PCDH15: variants seen among roughly 807,000 people sequenced by gnomAD.
PCDH15 encodes the protein protocadherin related 15.
A neutral mutation model predicts 178.5 loss-of-function variants in PCDH15; 129 were observed. The ratio of observed to expected loss-of-function variants is 0.72; its 90% confidence interval spans 0.63 to 0.84. The LOEUF (loss-of-function observed/expected upper bound fraction) is 0.84, where lower values mean the gene tolerates loss of function less well. Ranked by LOEUF, PCDH15 falls within the 40% of genes least tolerant of loss-of-function variation. PCDH15 has a pLI of 0.00. For missense variants in PCDH15, 2,230 were observed against 2,099.9 expected, an observed-to-expected ratio of 1.06 and a Z score of -1.21; for synonymous variants, 800 against 732.0, an observed-to-expected ratio of 1.09 and a Z score of -1.50.
chr10:54,630,073 G>A (rs2093660720), intron 2 of PCDH15, among the ~76,000 whole-genome samples: 1 of 152,072 alleles, frequency 6.6e-6, no homozygotes, highest in Non-Finnish European at 1.5e-5. Context: ...AAATACTGCT[G>A]AATGAAATCA....
At chr10:55,095,837 AC>A (rs1273449187) in intron 2 of PCDH15, among the ~76,000 whole-genome samples, 2 of 152,094 alleles carry the variant, frequency 1.3e-5, no homozygotes, top group African/African-American at 2.4e-5. Context: ...AATTGTAAAT[AC>A]CTTGAAGGAT....
At chr10:54,223,007 G>A (rs913026529) in intron 9 of PCDH15, among the ~76,000 whole-genome samples, 5 of 151,982 alleles carry the variant, frequency 3.3e-5, no homozygotes, top group Non-Finnish European at 7.4e-5. Context: ...ATTTGCATTT[G>A]TTACATTTAA....
At chr10:54,857,008 G>C (rs1470542415) in intron 3 of PCDH15, among the ~76,000 whole-genome samples, 1 of 152,024 alleles carries the variant, frequency 6.6e-6, no homozygotes, top group East Asian at 1.9e-4. Flanking sequence ...TCTGAAAAAT[G>C]CTGACACAAC....
At chr10:55,598,551 T>TAGATAGATAG (rs1329668069) in intron 2 of PCDH15, among the ~76,000 whole-genome samples, 6 of 64,912 alleles carry the variant, frequency 9.2e-5, no homozygotes, top group African/African-American at 4.5e-4. Context: ...TATATATATA[T>TAGATAGATAG]ATATATATAT....
At chr10:54,738,491 C>CTT (rs1566087611) in intron 1 of PCDH15, among the ~76,000 whole-genome samples, 3 of 151,840 alleles carry the variant, frequency 2.0e-5, no homozygotes, top group Admixed American at 1.3e-4. Context: ...TAAAAAACAA[C>CTT]TAATAAAAGT....
At chr10:55,626,548 T>C (rs1332159036) in intron 2 of PCDH15, among the ~76,000 whole-genome samples, 2 of 152,196 alleles carry the variant, frequency 1.3e-5, no homozygotes, top group African/African-American at 2.4e-5. Flanking sequence ...TAAACCACTC[T>C]CTTAAGGTTA....
rs148747062 is a variant in PCDH15, at chr10:55,627,174, A to C, written c.-156+451T>G. ...CGTTTACATATAATGGAACAAGCCA[A>C]GTCTCCATTCACTACATGTGGACAT... On this transcript the variant is annotated intron_variant, in intron 2 of 5. Transcript: ENST00000613346. 5.3e-4 allele frequency among the ~76,000 whole-genome samples: 80 copies of C among 151,750 alleles called. 1 individual carries two copies. In the East Asian group the frequency reaches 0.014, roughly 27 times the overall value.
intron 2 of PCDH15, among the ~76,000 whole-genome samples, chr10:55,149,219 C>T (rs12264340): frequency 0.37 from 55,285 of 149,202 alleles, 10,501 homozygotes; most frequent in Admixed American, 0.47. Flanking sequence ...AGCAGTCTTT[C>T]AATAAATGCT....
rs183402190 is a variant in PCDH15 at position 55,542,612 on chromosome 10, T to C, written c.-156+85013A>G. 1.4e-4 allele frequency among the ~76,000 whole-genome samples: 20 copies of C among 147,736 alleles called. 1 individual carries two copies. The highest frequency in any genetic ancestry group is 1.4e-3 in the Admixed American group (20 of 14,788). On this transcript the variant is annotated intron_variant, in intron 2 of 5. Coordinates refer to the PCDH15 transcript ENST00000613346. ...CTATATAGGTACATACAGACATATG[T>C]ATGTGTCTATATAGGTACATACAGA...
At chr10:55,223,093 C>G (rs572100026) in intron 1 of PCDH15, among the ~76,000 whole-genome samples, 1 of 152,150 alleles carries the variant, frequency 6.6e-6, no homozygotes, top group South Asian at 2.1e-4. Flanking sequence ...ATGGCCCCAT[C>G]AGGCTTGTGC....
rs971706124 is a variant in PCDH15, at chr10:54,305,100, G to A, written c.876+12171C>T. ...ACAGCTATTTTTATAACTTTTTAAAGTGTTATGTACATAATTTCTTTTCTG... is the reference window on the plus strand; with the variant it reads ...ACAGCTATTTTTATAACTTTTTAAAATGTTATGTACATAATTTCTTTTCTG... On this transcript the variant is annotated intron_variant, in intron 8 of 37. Transcript: ENST00000644397. Among the ~76,000 whole-genome samples the A allele has an allele frequency of 6.6e-5, 10 of 152,044 alleles. No homozygotes were observed. In the East Asian group the frequency reaches 1.2e-3, roughly 18 times the overall value.
intron 3 of PCDH15, among the ~76,000 whole-genome samples, chr10:54,514,892 A>G (rs185565972): frequency 2.6e-4 from 39 of 152,326 alleles, no homozygotes; most frequent in African/African-American, 8.7e-4. Context: ...TTGTTATAAT[A>G]GTGTTCCATA....
At chr10:54,838,838 G>C (rs72798510) in intron 3 of PCDH15, among the ~76,000 whole-genome samples, 1 of 152,132 alleles carries the variant, frequency 6.6e-6, no homozygotes, top group African/African-American at 2.4e-5. Context: ...AAGCAGTTCT[G>C]CCTGGCCAGA....
At chr10:53,958,368 A>G (rs1476784093) in intron 23 of PCDH15, among the ~76,000 whole-genome samples, 1 of 152,136 alleles carries the variant, frequency 6.6e-6, no homozygotes, top group Admixed American at 6.6e-5. Context: ...ATCTTTTTGG[A>G]TTGACTAAAC....
intron 3 of PCDH15, among the ~76,000 whole-genome samples, chr10:54,868,052 T>C (rs1315878300): frequency 6.6e-6 from 1 of 152,206 alleles, no homozygotes. Flanking sequence ...TACACTTATA[T>C]AAAAACATCA....
At chr10:54,935,711 A>G (rs752476150) in intron 2 of PCDH15, among the ~76,000 whole-genome samples, 11 of 152,084 alleles carry the variant, frequency 7.2e-5, no homozygotes, top group Non-Finnish European at 1.3e-4. Flanking sequence ...CCTTCATACA[A>G]TATTACATAC....
At chr10:54,569,654 T>A (rs2089520700) in intron 2 of PCDH15, among the ~76,000 whole-genome samples, 1 of 152,096 alleles carries the variant, frequency 6.6e-6, no homozygotes, top group East Asian at 1.9e-4. Flanking sequence ...TTTGGGGGAT[T>A]TTTCAAACCA....
intron 2 of PCDH15, among the ~76,000 whole-genome samples, chr10:54,959,423 TAAG>T (rs1838584676): frequency 6.6e-6 from 1 of 151,930 alleles, no homozygotes; most frequent in African/African-American, 2.4e-5. Flanking sequence ...TTGGTACAAG[TAAG>T]AATCACAAAT....
intron 28 of PCDH15, among the ~76,000 whole-genome samples, chr10:53,851,329 G>A (rs2078342497): frequency 6.6e-6 from 1 of 151,656 alleles, no homozygotes; most frequent in Non-Finnish European, 1.5e-5. Flanking sequence ...TATTTTATAT[G>A]CCATTTTTAT....
Sources: allele counts gnomAD v4.1 joint callset (sites outside exome capture counted in the v4.1 genomes callset), GRCh38; gene constraint gnomAD v4.1.1; transcripts MANE v1.5; gene names NCBI Gene and HGNC (gene_info 2026-07-23, HGNC 2026-07-21).